SETD1A: variants seen among roughly 807,000 people sequenced by gnomAD.
SETD1A encodes histone-lysine N-methyltransferase SETD1A.
A neutral mutation model predicts 149.9 loss-of-function variants in SETD1A; 29 were observed. The ratio of observed to expected loss-of-function variants is 0.19; its 90% CI spans 0.14 to 0.26. SETD1A has a LOEUF of 0.26. SETD1A is among the 10% of genes least tolerant of loss of function. SETD1A has a pLI of 1.00. For synonymous variants in SETD1A, 1,141 were observed against 968.5 expected, an observed-to-expected ratio of 1.18 and a Z score of -3.31; for missense variants, 2,109 against 2,353.1, an observed-to-expected ratio of 0.90 and a Z score of 2.15.
intron 4 of SETD1A, among the ~76,000 whole-genome samples, chr16:30,962,034 A>G (rs576055569): frequency 1.3e-5 from 2 of 150,892 alleles, no homozygotes; most frequent in South Asian, 4.2e-4. Flanking sequence ...GCAGAGATGA[A>G]GTCTCACTAC....
Position 30,958,846 on chromosome 16 carries a change from G to T in SETD1A, c.115G>T (p.Val39Leu). ...TGCCCTGCGCAGGCCTTCTCAGAAG[G>T]TGTACCGCTATGATGGAGTCCACTT... ...DPALRRPSQK[V>L]YRYDGVHFSV... Residue 39 changes from valine to leucine, a missense_variant, in exon 2 of 19, where the codon GTG becomes TTG. Physicochemically the swap from Val to Leu is conservative, Grantham distance 32 (BLOSUM62 1). This residue lies in a region of SETD1A where 75 missense variants were observed against 95.3 expected (regional missense o/e 0.79). Transcript: ENST00000262519. The T allele has an allele frequency of 1.2e-6, 2 of 1,614,212 alleles. No homozygotes were observed. The highest frequency in any genetic ancestry group is 1.7e-6 in the Non-Finnish European group (2 of 1,180,032).
In SETD1A at chr16:30,979,889, A is replaced by G; in HGVS notation, c.4103A>G (p.Glu1368Gly). The G allele has an allele frequency of 2.6e-6, 4 of 1,534,636 alleles. No homozygotes were observed. Among genetic ancestry groups the G allele is most frequent in the Non-Finnish European group, 2.6e-6 (3 of 1,146,430 alleles). Residue 1368 changes from glutamate to glycine, a missense_variant, in exon 14 of 19, where the codon GAG becomes GGG. Physicochemically the swap from Glu to Gly is moderately conservative, Grantham distance 98 (BLOSUM62 -2). This residue lies in a region of SETD1A where 832 missense variants were observed against 815.6 expected (regional missense o/e 1.02). Coordinates refer to ENST00000262519, the MANE Select transcript of SETD1A (RefSeq NM_014712.3). ...GAGGGCGAAGAGGAGGGGGAGGAAG[A>G]GGGGGAGGAAGAGGAGGAGGAGTCC... Reference protein sequence around the residue: ...REEGEEEGEEEGEEEEEESSD... With the variant: ...REEGEEEGEEGGEEEEEESSD...
At position 30,983,341 on chromosome 16, in the gene SETD1A, C is replaced by T. The variant is rs1417884367; in HGVS notation, c.4813-294C>T. 6.6e-6 allele frequency among the ~76,000 whole-genome samples: 1 copy of T among 152,182 alleles called. No individual in the cohort carries two copies. The highest frequency in any genetic ancestry group is 1.5e-5 in the Non-Finnish European group (1 of 68,032). On this transcript the variant is annotated intron_variant, in intron 17 of 18. Coordinates refer to ENST00000262519, the MANE Select transcript of SETD1A (RefSeq NM_014712.3). The surrounding 1 kb of genome is among the most constrained non-coding windows in gnomAD (Gnocchi z 6.8). ...AGACTTGCCCCAGCAGTCCGGGACC[C>T]CACTGTGACCAGGCAGATGCTCGAA...
In SETD1A at chr16:30,966,007, G is replaced by A; in HGVS notation, c.2126G>A (p.Gly709Glu). 1.3e-6 allele frequency: 2 copies of A among 1,569,582 alleles called. No homozygotes were observed. Among genetic ancestry groups the A allele is most frequent in the South Asian group, 1.2e-5 (1 of 83,932 alleles). ...GCCGCCTCAGCTGGCCCCCCCGGTG[G>A]GGCCTTTGGGGAGGCCTTCCTCCCG... ...LIAASAGPPGGAFGEAFLPFP... is the reference protein window; with the variant it reads ...LIAASAGPPGEAFGEAFLPFP... The change falls in exon 8 of 19, where the codon GGG becomes GAG. Residue 709 changes from glycine (G) to glutamate (E), a missense_variant. Physicochemically the swap from Gly to Glu is moderately conservative, Grantham distance 98. Coordinates refer to ENST00000262519, the MANE Select transcript of SETD1A (RefSeq NM_014712.3).
chr16:30,961,890 C>T lies in SETD1A; in HGVS notation c.517+353C>T, dbSNP rs929180370. Among the ~76,000 whole-genome samples, 12 of 152,064 alleles carry T rather than the reference C, an allele frequency of 7.9e-5. No homozygotes were observed. Among genetic ancestry groups the T allele is most frequent in the Non-Finnish European group, 1.5e-4 (10 of 68,010 alleles). ...TTGAGACAGGATCCTGCTCTGTCACCTAGGCTGGAGAGCAGTGGCGTGATC... is the reference window on the plus strand; with the variant it reads ...TTGAGACAGGATCCTGCTCTGTCACTTAGGCTGGAGAGCAGTGGCGTGATC... On this transcript the variant is annotated intron_variant, in intron 4 of 18. Coordinates refer to ENST00000262519, the MANE Select transcript of SETD1A (RefSeq NM_014712.3). This position sits in a 1 kb window ranked among gnomAD's most constrained non-coding sequence, Gnocchi z 4.0.
rs1340428167 is a variant in SETD1A at position 30,967,045 on chromosome 16, G to A, written c.2667G>A (p.Arg889=). 6.3e-7 allele frequency: 1 copy of A among 1,590,978 alleles called. No individual in the cohort carries two copies. Among genetic ancestry groups the A allele is most frequent in the East Asian group, 2.3e-5 (1 of 44,314 alleles). ...AFGSGLRGAL[R]LPSFKVKRKE... ...GGTCAGGGCTGAGAGGGGCCCTGCG[G>A]CTGCCTTCATTCAAGGTACTCAGAA... The change falls in exon 9 of 19, where the codon CGG becomes CGA. Residue 889 remains arginine (R), a synonymous_variant. Coordinates refer to ENST00000262519, the MANE Select transcript of SETD1A (RefSeq NM_014712.3).
At chr16:30,960,736 T>C (rs1364036217) in intron 3 of SETD1A, among the ~76,000 whole-genome samples, 1 of 138,088 alleles carries the variant, frequency 7.2e-6, no homozygotes, top group Non-Finnish European at 1.6e-5. Flanking sequence ...CTTTCTTTTT[T>C]TTTTTTTTTT....
Position 30,965,804 on chromosome 16 carries a change from G to A in SETD1A, c.1923G>A (p.Pro641=), listed in dbSNP as rs370920120. Residue 641 remains proline (P), a synonymous_variant, in exon 8 of 19, where the codon CCG becomes CCA. Transcript: ENST00000262519. The stretch of plus-strand genomic sequence containing the variant: ...TCCTCCCACCCAGACCTGATGGGCC[G>A]CCGCCCCCTGAGTACCCCCCACCTC... ...AYLLPPRPDG[P]PPPEYPPPPP... The A allele has an allele frequency of 4.7e-5, 74 of 1,580,908 alleles. No individual in the cohort carries two copies. Among genetic ancestry groups the A allele is most frequent in the East Asian group, 1.6e-4 (7 of 44,072 alleles).
chr16:30,971,313 A>C, intron 12 of SETD1A, 65 bp from the exon 13 acceptor site: 1 of 1,483,914 alleles, frequency 6.7e-7, no homozygotes, highest in Non-Finnish European at 9.1e-7. Context: ...GGAGTGAGTG[A>C]GGAGCCCACG....
At chr16:30,971,849 C>T (rs369512151) in intron 13 of SETD1A, 130 bp downstream of exon 13, 47 of 1,204,442 alleles carry the variant, frequency 3.9e-5, no homozygotes, top group African/African-American at 3.6e-4. Context: ...ATGTCACCAT[C>T]TCCTGTCACT....
chr16:30,981,880 G>A (rs899994750), intron 17 of SETD1A, among the ~76,000 whole-genome samples: 6 of 152,202 alleles, frequency 3.9e-5, no homozygotes, highest in African/African-American at 1.2e-4. Context: ...GAGACCACGA[G>A]GTGGAGGCTG....
intron 4 of SETD1A, among the ~76,000 whole-genome samples, chr16:30,962,017 A>G (rs1017623786): frequency 2.0e-5 from 3 of 151,032 alleles, no homozygotes; most frequent in Admixed American, 6.6e-5. Context: ...AGTTTTTTTG[A>G]TTATTTGCAG....
Position 30,964,109 on chromosome 16 carries a change from C to A in SETD1A, c.655C>A (p.Arg219Ser). 1 of 1,613,492 alleles carries A rather than the reference C, an allele frequency of 6.2e-7. No homozygotes were observed. Among genetic ancestry groups the A allele is most frequent in the Non-Finnish European group, 8.5e-7 (1 of 1,179,942 alleles). ...GTCGCTCTAGGCCGAATCCCGCCGC[C>A]GCTCTTCCTCTGACACAGCTGCCTA... is the stretch of plus-strand genomic sequence containing the variant. ...AATETAESRR[R>S]SSSDTAAYPA... Residue 219 changes from arginine to serine, a missense_variant, in exon 6 of 19, where the codon CGC (arginine) becomes AGC (serine). Transcript: ENST00000262519.
In SETD1A at chr16:30,976,408, C is replaced by A. The variant is rs369528106; in HGVS notation, c.3359-2737C>A. Among the ~76,000 whole-genome samples the A allele has an allele frequency of 6.0e-4, 91 of 152,162 alleles. No individual in the cohort carries two copies. In the East Asian group the frequency reaches 0.012, roughly 20 times the overall value. On this transcript the variant is annotated intron_variant, in intron 13 of 18. Transcript: ENST00000262519. ...GCCTGGGCCTCCCCATGCTGGAAGG[C>A]CTTGCCAGAGCTGGGGCCTGGGAGT...
chr16:30,958,618 T>A, intron 1 of SETD1A, 99 bp from the exon 2 acceptor site: 3 of 1,031,614 alleles, frequency 2.9e-6, no homozygotes, highest in Non-Finnish European at 4.4e-6. Flanking sequence ...GAAACTGGAG[T>A]GATGGGAGAA....
At chr16:30,975,071 C>T (rs1010258792) in intron 13 of SETD1A, among the ~76,000 whole-genome samples, 1 of 151,682 alleles carries the variant, frequency 6.6e-6, no homozygotes, top group African/African-American at 2.4e-5. Flanking sequence ...TCGCTTGAAC[C>T]GGGGAAGCAG....
intron 12 of SETD1A, among the ~76,000 whole-genome samples, chr16:30,970,267 ATTTTT>A (rs34020035): frequency 8.5e-6 from 1 of 117,786 alleles, no homozygotes; most frequent in Admixed American, 8.8e-5. Context: ...CCACACCCAG[ATTTTT>A]TTTTTTTTTT....
rs145167970 is a variant in SETD1A at position 30,976,529 on chromosome 16, C to T, written c.3359-2616C>T. 1.9e-3 allele frequency among the ~76,000 whole-genome samples: 282 copies of T among 152,090 alleles called. 2 individuals are homozygous for T. Among genetic ancestry groups the T allele is most frequent in the Non-Finnish European group, 2.8e-3 (187 of 67,982 alleles). Reference sequence around the variant, plus strand: ...TGCTGGGACAGGAGAGGGCAAAGTACGGGCCCTGGGGTCTGGGCAGGGTGG... The same window carrying T: ...TGCTGGGACAGGAGAGGGCAAAGTATGGGCCCTGGGGTCTGGGCAGGGTGG... On this transcript the variant is annotated intron_variant, in intron 13 of 18. Transcript: ENST00000262519.
In SETD1A at chr16:30,964,293, C is replaced by T; in HGVS notation, c.839C>T (p.Pro280Leu). 1 of 1,613,924 alleles carries T rather than the reference C, an allele frequency of 6.2e-7. No homozygotes were observed. Among genetic ancestry groups the T allele is most frequent in the East Asian group, 2.2e-5 (1 of 44,876 alleles). ...GTPYTSRGST[P>L]YSQDSAYSSS... The stretch of plus-strand genomic sequence containing the variant: ...CCCTACACGTCTCGGGGCAGCACCC[C>T]CTACTCTCAGGACTCTGCCTACTCC... Residue 280 changes from proline (P) to leucine (L), a missense_variant, in exon 6 of 19, where the codon CCC becomes CTC. Physicochemically the swap from Pro to Leu is moderately conservative, Grantham distance 98 (BLOSUM62 -3). This residue lies in a region of SETD1A where 410 missense variants were observed against 394.8 expected (regional missense o/e 1.04). Transcript: ENST00000262519.
Sources: gnomAD v4.1 joint callset for allele counts (sites outside exome capture counted in the v4.1 genomes callset) on GRCh38, gnomAD v4.1.1 for gene constraint, gnomAD v4.1.1 regional missense constraint, Gnocchi (gnomAD v3.1) non-coding constraint, MANE v1.5 for transcripts, NCBI Gene and HGNC (gene_info 2026-07-23, HGNC 2026-07-21) for gene names.